The following CFAP58 variants were observed in gnomAD, a reference collection of about 807,000 sequenced individuals.
CFAP58 encodes the protein cilia- and flagella-associated protein 58.
In CFAP58, 88 loss-of-function variants were observed where a neutral mutation model predicts 119.5. The observed-to-expected ratio is 0.74, with a 90% CI of 0.62 to 0.88. CFAP58 has a LOEUF of 0.88. Ranked by LOEUF, CFAP58 falls within the 40% of genes least tolerant of loss-of-function variation. CFAP58 has a pLI of 0.00. For synonymous variants in CFAP58, 365 were observed against 366.3 expected, an observed-to-expected ratio of 1.00 and a Z score of 0.04; for missense variants, 990 against 1,021.2, an observed-to-expected ratio of 0.97 and a Z score of 0.42.
intron 2 of CFAP58, among the ~76,000 whole-genome samples, chr10:104,359,051 T>A (rs1389265315): frequency 6.6e-6 from 1 of 152,228 alleles, no homozygotes; most frequent in African/African-American, 2.4e-5. Flanking sequence ...TTCATGACCT[T>A]TCTTCCTAGC....
At chr10:104,356,625 C>A (rs1388887408) in intron 1 of CFAP58, among the ~76,000 whole-genome samples, 1 of 152,098 alleles carries the variant, frequency 6.6e-6, no homozygotes, top group Non-Finnish European at 1.5e-5. Flanking sequence ...GTGTGTCCCT[C>A]ACTCCCTAGC....
the CFAP58 span, among the ~76,000 whole-genome samples, chr10:104,339,497 T>C: frequency 6.6e-6 from 1 of 152,208 alleles, no homozygotes; most frequent in Non-Finnish European, 1.5e-5. Context: ...TTAAGCGGCT[T>C]TGGGGGCACC....
intron 15 of CFAP58, among the ~76,000 whole-genome samples, chr10:104,438,348 GTT>G (rs759400382): frequency 1.5e-3 from 54 of 36,754 alleles, no homozygotes; most frequent in African/African-American, 4.3e-3. Context: ...TTTGTTTTTT[GTT>G]TTTTTTTTTT....
At chr10:104,424,461 C>T (rs1166866586) in intron 15 of CFAP58, among the ~76,000 whole-genome samples, 1 of 152,108 alleles carries the variant, frequency 6.6e-6, no homozygotes, top group Non-Finnish European at 1.5e-5. Context: ...AGACAGCCTG[C>T]TTGGAAGACT....
Position 104,358,466 on chromosome 10 carries a change from G to T in CFAP58, c.135G>T (p.Arg45Ser). The change falls in exon 2 of 18, where the codon AGG becomes AGT. Residue 45 changes from arginine to serine, a missense_variant. Coordinates refer to ENST00000369704, the MANE Select transcript of CFAP58 (RefSeq NM_001008723.2). ...SLEKFRIEYERLHAVMKKSYD... is the reference protein window; with the variant it reads ...SLEKFRIEYESLHAVMKKSYD... ...AAAAATTTCGGATTGAATATGAGAG[G>T]CTTCATGCTGTCATGAAAAAGTCTT... is the stretch of plus-strand genomic sequence containing the variant. The T allele has an allele frequency of 3.7e-6, 6 of 1,613,990 alleles. No individual in the cohort carries two copies. The highest frequency in any genetic ancestry group is 5.1e-6 in the Non-Finnish European group (6 of 1,179,994).
intron 15 of CFAP58, among the ~76,000 whole-genome samples, chr10:104,411,813 T>C (rs1056232893): frequency 6.6e-6 from 1 of 152,076 alleles, no homozygotes; most frequent in African/African-American, 2.4e-5. Context: ...GGTTTCCTTG[T>C]GGTCTTCCTG....
intron 17 of CFAP58, among the ~76,000 whole-genome samples, chr10:104,451,483 T>C (rs982637017): frequency 3.9e-5 from 6 of 152,224 alleles, no homozygotes; most frequent in Non-Finnish European, 7.3e-5. Flanking sequence ...CCAGGCCATA[T>C]TTCCAGATAC....
the CFAP58 span, among the ~76,000 whole-genome samples, chr10:104,347,064 C>G: frequency 6.6e-6 from 1 of 152,076 alleles, no homozygotes; most frequent in Non-Finnish European, 1.5e-5. Context: ...TCTAGCCTAA[C>G]CAGTCATACC....
chr10:104,421,285 C>T (rs1458690215), intron 15 of CFAP58, among the ~76,000 whole-genome samples: 3 of 152,172 alleles, frequency 2.0e-5, no homozygotes, highest in Non-Finnish European at 4.4e-5. Flanking sequence ...TTACTAGCCC[C>T]CTTCTAAGAC....
intron 11 of CFAP58, among the ~76,000 whole-genome samples, chr10:104,397,504 T>C (rs549154039): frequency 2.6e-5 from 4 of 152,350 alleles, no homozygotes; most frequent in Admixed American, 2.0e-4. Context: ...TAATGACTTT[T>C]GGTTTTCATG....
Position 104,376,898 on chromosome 10 carries a change from G to A in CFAP58, c.1173+5G>A, listed in dbSNP as rs771420260. On this transcript the variant is annotated splice_donor_5th_base_variant and intron_variant, in intron 8 of 17. Coordinates refer to ENST00000369704, the MANE Select transcript of CFAP58 (RefSeq NM_001008723.2). Reference sequence around the variant, plus strand: ...GAAAGGGACATACTAAATAAGGTGAGTGTGTTACAGTCACACTGGTAAATA... The same window carrying A: ...GAAAGGGACATACTAAATAAGGTGAATGTGTTACAGTCACACTGGTAAATA... The A allele has an allele frequency of 1.6e-5, 25 of 1,590,630 alleles. No individual in the cohort carries two copies. The highest frequency in any genetic ancestry group is 8.6e-7 in the Non-Finnish European group (1 of 1,159,132).
chr10:104,437,501 A>G (rs2012953622), intron 15 of CFAP58, among the ~76,000 whole-genome samples: 1 of 152,212 alleles, frequency 6.6e-6, no homozygotes. Context: ...ACCCAACAGC[A>G]CAATGCAAAT....
the CFAP58 span, among the ~76,000 whole-genome samples, chr10:104,346,498 AC>A: frequency 6.6e-6 from 1 of 151,436 alleles, no homozygotes; most frequent in African/African-American, 2.4e-5. Flanking sequence ...CAGGTGTGCA[AC>A]ACCACGCCCA....
intron 15 of CFAP58, among the ~76,000 whole-genome samples, chr10:104,409,377 T>C (rs1049492002): frequency 6.6e-6 from 1 of 152,198 alleles, no homozygotes; most frequent in Non-Finnish European, 1.5e-5. Context: ...TACAGATTCT[T>C]TGGAATTTGT....
chr10:104,358,084 T>TACACACATATATATGTACATATATAC (rs1564876547), intron 1 of CFAP58, among the ~76,000 whole-genome samples: 4 of 138,886 alleles, frequency 2.9e-5, no homozygotes, highest in African/African-American at 6.0e-5. Flanking sequence ...TACATATATA[T>TACACACATATATATGTACATATATAC]ACACACATAT....
At chr10:104,388,735 T>C (rs1323034495) in intron 9 of CFAP58, among the ~76,000 whole-genome samples, 1 of 152,220 alleles carries the variant, frequency 6.6e-6, no homozygotes, top group Non-Finnish European at 1.5e-5. Flanking sequence ...TTGGTCTATG[T>C]GATGTTTTGG....
In CFAP58 at chr10:104,439,433, G is replaced by A. The variant is rs145304455; in HGVS notation, c.2257-8265G>A. On this transcript the variant is annotated intron_variant, in intron 15 of 17. Coordinates refer to ENST00000369704, the MANE Select transcript of CFAP58 (RefSeq NM_001008723.2). ...TTTAATTGGGGTTTACTGGTTATTT[G>A]TTCTAATAAGTAGCACATTATTACA... 3.8e-4 allele frequency among the ~76,000 whole-genome samples: 58 copies of A among 152,102 alleles called. No individual in the cohort carries two copies. In the East Asian group the frequency reaches 0.011, roughly 29 times the overall value.
intron 6 of CFAP58, 124 bp from the exon 7 acceptor site, chr10:104,370,771 C>A: frequency 1.2e-6 from 1 of 829,028 alleles, no homozygotes; most frequent in Non-Finnish European, 1.8e-6. Flanking sequence ...TTGATTTAAT[C>A]TCACAGAACA....
chr10:104,349,373 C>T (rs2014434128), upstream of CFAP58, among the ~76,000 whole-genome samples: 1 of 152,216 alleles, frequency 6.6e-6, no homozygotes, highest in African/African-American at 2.4e-5. Context: ...TCTGAAGCCC[C>T]TCTCTTTGTT....
Sources: allele counts gnomAD v4.1 joint callset (sites outside exome capture counted in the v4.1 genomes callset), GRCh38; gene constraint gnomAD v4.1.1; transcripts MANE v1.5; gene names NCBI Gene and HGNC (gene_info 2026-07-23, HGNC 2026-07-21).